TSC1: variants seen among roughly 807,000 people sequenced by gnomAD.
TSC1 encodes TSC complex subunit 1.
In TSC1, 20 loss-of-function variants were observed where a neutral mutation model predicts 124.3. The observed-to-expected ratio is 0.16, with a 90% CI of 0.11 to 0.23. The LOEUF is 0.23. Ranked by LOEUF, TSC1 falls within the 10% of genes least tolerant of loss-of-function variation. The pLI is 1.00. For synonymous variants in TSC1, 493 were observed against 539.1 expected (o/e 0.91, Z 1.19); for missense variants, 1,124 against 1,448.5 (o/e 0.78, Z 3.64).
chr9:132,932,258 C>T (rs558936680), intron 2 of TSC1, among the ~76,000 whole-genome samples: 1 of 152,352 alleles, frequency 6.6e-6, no homozygotes, highest in African/African-American at 2.4e-5. Context: ...AAATCCATCA[C>T]TCTGCCATCT....
At position 132,923,461 on chromosome 9, in the gene TSC1, C is replaced by G. The variant is rs397514784; in HGVS notation, c.395G>C (p.Gly132Ala). 15 of 1,614,084 alleles carry G rather than the reference C, an allele frequency of 9.3e-6. No homozygotes were observed. Among genetic ancestry groups the G allele is most frequent in the Non-Finnish European group, 1.2e-5 (14 of 1,179,978 alleles). ...MDTDVVVLTT[G>A]VLVLITMLPM... is the part of the protein sequence containing the mutation. ...TAGCATGGTTATCAACACCAAGACG[C>G]CTGTTGTGAGGACAACGACGTCAGT... is the stretch of plus-strand genomic sequence containing the variant. Residue 132 changes from glycine (G) to alanine (A), a missense_variant, in exon 6 of 23, where the codon GGC becomes GCC. Transcript: ENST00000298552. The surrounding 1 kb of genome is among the most constrained non-coding windows in gnomAD (Gnocchi z 4.2).
At chr9:132,912,619 A>G (rs927754120) in intron 8 of TSC1, 162 bp from the exon 9 acceptor site, 1 of 756,510 alleles carries the variant, frequency 1.3e-6, no homozygotes, top group African/African-American at 1.7e-5. Context: ...AGAAATAGCC[A>G]TTCATTTTAC....
rs1417735254 is a variant in TSC1 at position 132,921,580 on chromosome 9, G to T, written c.664-144C>A. ...GAACCTTGAGAACATTATACTGAGT[G>T]AAAGAAGCCAGTCACAAAAGACCAC... On this transcript the variant is annotated intron_variant, in intron 7 of 22. Coordinates refer to ENST00000298552, the MANE Select transcript of TSC1 (RefSeq NM_000368.5). This position sits in a 1 kb window ranked among gnomAD's most constrained non-coding sequence, Gnocchi z 4.3. 4.6e-6 allele frequency: 5 copies of T among 1,093,020 alleles called. No individual in the cohort carries two copies. Among genetic ancestry groups the T allele is most frequent in the Non-Finnish European group, 6.8e-6 (5 of 730,122 alleles). 67.7% of individuals were successfully genotyped at this position (1,093,020 alleles called of 1,614,324 possible).
At chr9:132,942,569 AG>A (rs1847797390) in intron 1 of TSC1, 1 of 152,246 alleles carries the variant, frequency 6.6e-6, no homozygotes, top group Admixed American at 6.5e-5. Flanking sequence ...CTCTTAACCC[AG>A]TGAGGAAGAG....
At chr9:132,912,942 T>C (rs993789492) in intron 8 of TSC1, 7 of 147,200 alleles carry the variant, frequency 4.8e-5, no homozygotes, top group Non-Finnish European at 1.0e-4. Flanking sequence ...AATTTTTTTC[T>C]TTTTTTTTTT....
chr9:132,902,063 G>C lies in TSC1; in HGVS notation c.2392-364C>G, dbSNP rs1201302591. The C allele has an allele frequency of 1.1e-5, 3 of 260,884 alleles. No homozygotes were observed. Among genetic ancestry groups the C allele is most frequent in the Non-Finnish European group, 2.2e-5 (3 of 134,490 alleles). The allele number at this position is 260,884 out of a possible 1,614,324, so 16.2% of individuals were successfully genotyped here. A position where few individuals can be genotyped will look rare whatever the true frequency, so the allele number is the denominator to read the frequency against. ...TTACTAACTGGCTGGAAATGATGCT[G>C]TGTCTGTGGATGACGTCTTTGTGAA... is the stretch of plus-strand genomic sequence containing the variant. On this transcript the variant is annotated intron_variant, in intron 18 of 22. Transcript: ENST00000298552. This position sits in a 1 kb window ranked among gnomAD's most constrained non-coding sequence, Gnocchi z 5.2.
chr9:132,935,735 G>C (rs1302839780), intron 1 of TSC1, among the ~76,000 whole-genome samples: 1 of 152,082 alleles, frequency 6.6e-6, no homozygotes, highest in Non-Finnish European at 1.5e-5. Context: ...TGGCCTTTCA[G>C]TTCCTTGGCT....
intron 12 of TSC1, among the ~76,000 whole-genome samples, chr9:132,908,257 T>C (rs914026842): frequency 2.0e-5 from 3 of 152,226 alleles, no homozygotes; most frequent in African/African-American, 7.2e-5. Context: ...AAAAACTATA[T>C]TTCCCGAAAT....
intron 12 of TSC1, among the ~76,000 whole-genome samples, chr9:132,909,066 G>A (rs1303465050): frequency 2.0e-5 from 3 of 151,796 alleles, no homozygotes; most frequent in African/African-American, 4.8e-5. Flanking sequence ...CACCATACCC[G>A]GCTAATGTCT....
intron 8 of TSC1, among the ~76,000 whole-genome samples, chr9:132,917,117 T>G (rs1479604731): frequency 1.3e-5 from 2 of 152,220 alleles, no homozygotes; most frequent in Non-Finnish European, 2.9e-5. Context: ...TGATTTCTAA[T>G]CCTTATTAAT....
upstream of TSC1, chr9:132,944,713 AT>A (rs2132542131): frequency 7.5e-6 from 3 of 398,428 alleles, no homozygotes; most frequent in South Asian, 3.8e-4. Flanking sequence ...GAAAGGAAGG[AT>A]AGACGGCCGC....
chr9:132,934,467 A>G (rs900664185), intron 2 of TSC1: 2 of 152,274 alleles, frequency 1.3e-5, no homozygotes, highest in Non-Finnish European at 2.9e-5. Context: ...CTCACTCACC[A>G]GCTCAAGGGT....
In TSC1 at chr9:132,911,113, C is replaced by G. The variant is rs1845934367; in HGVS notation, c.1030G>C (p.Ala344Pro). Residue 344 changes from alanine to proline, a missense_variant and splice_region_variant, in exon 11 of 23, where the codon GCT becomes CCT. Around this residue, in one of 5 missense-constraint regions of TSC1, gnomAD observed 463 missense variants for 606.8 expected, o/e 0.76. Transcript: ENST00000298552. ...STRLITEPPQATLWSPSMVCG... is the reference protein window; with the variant it reads ...STRLITEPPQPTLWSPSMVCG... ...ACCATAGATGGGCTCCAAAGAGTAGCCTGGGAAGTTAATAAAGTACATCAG... is the reference window on the plus strand; with the variant it reads ...ACCATAGATGGGCTCCAAAGAGTAGGCTGGGAAGTTAATAAAGTACATCAG... The G allele has an allele frequency of 6.2e-7, 1 of 1,612,342 alleles. No homozygotes were observed. Among genetic ancestry groups the G allele is most frequent in the Non-Finnish European group, 8.5e-7 (1 of 1,178,442 alleles).
At chr9:132,907,497 C>CT (rs1346551966) in intron 12 of TSC1, 127 bp from the exon 13 acceptor site, 968 of 796,272 alleles carry the variant, frequency 1.2e-3, no homozygotes, top group Middle Eastern at 2.3e-3. Flanking sequence ...GTTTTCTTTT[C>CT]TTTTTTTTTG....
Position 132,902,798 on chromosome 9 carries a change from C to A in TSC1, c.2209-11G>T, listed in dbSNP as rs1388387332. 2.3e-5 allele frequency: 37 copies of A among 1,612,952 alleles called. No individual in the cohort carries two copies. The highest frequency in any genetic ancestry group is 3.1e-5 in the Non-Finnish European group (36 of 1,180,006). On this transcript the variant is annotated splice_polypyrimidine_tract_variant and intron_variant, in intron 17 of 22. Coordinates refer to ENST00000298552, the MANE Select transcript of TSC1 (RefSeq NM_000368.5). This position sits in a 1 kb window ranked among gnomAD's most constrained non-coding sequence, Gnocchi z 5.2. The stretch of plus-strand genomic sequence containing the variant: ...CTTCAACTGATCTTTCTAGCAGAGA[C>A]CAGAAATGTCATCATTTTAGCTGTC...
In TSC1 at chr9:132,893,162, C is replaced by T. The variant is rs1339875115; in HGVS notation, c.*3073G>A. 1 of 233,232 alleles carries T rather than the reference C, an allele frequency of 4.3e-6. No individual in the cohort carries two copies. The highest frequency in any genetic ancestry group is 8.5e-6 in the Non-Finnish European group (1 of 118,054). The allele number at this position is 233,232 out of a possible 1,614,324, so 14.4% of individuals were successfully genotyped here. A position where few individuals can be genotyped will look rare whatever the true frequency, so the allele number is the denominator to read the frequency against. ...CTCTTCAAGCTTAGTAAGAAGATTC[C>T]GCAGCTTAGTCCCAAAGGTCAGGCA... is the stretch of plus-strand genomic sequence containing the variant. On this transcript the variant is annotated 3_prime_UTR_variant, in exon 23 of 23. Transcript: ENST00000298552.
intron 6 of TSC1, among the ~76,000 whole-genome samples, chr9:132,922,953 G>C (rs1281797799): frequency 6.6e-6 from 1 of 152,066 alleles, no homozygotes; most frequent in Non-Finnish European, 1.5e-5. Context: ...CAGGTACAAC[G>C]AGTGGGTTCT....
intron 1 of TSC1, among the ~76,000 whole-genome samples, chr9:132,943,112 A>T (rs552289267): frequency 6.6e-6 from 1 of 152,264 alleles, no homozygotes; most frequent in East Asian, 1.9e-4. Context: ...TTGAATTCAG[A>T]TGACTCCAAG....
At chr9:132,944,423 C>T (rs1213671441) in intron 1 of TSC1, 120 bp downstream of exon 1, 2 of 396,070 alleles carry the variant, frequency 5.0e-6, no homozygotes, top group Admixed American at 4.4e-5. Flanking sequence ...CCCCGGGATC[C>T]CTACCAAGCA....
Sources: allele counts gnomAD v4.1 joint callset (sites outside exome capture counted in the v4.1 genomes callset), GRCh38; gene constraint gnomAD v4.1.1; regional missense constraint gnomAD v4.1.1; non-coding constraint Gnocchi (gnomAD v3.1); transcripts MANE v1.5; gene names NCBI Gene and HGNC (gene_info 2026-07-23, HGNC 2026-07-21).